ANK3: variants seen among roughly 807,000 people sequenced by gnomAD.
ANK3 encodes the protein ankyrin 3.
In ANK3, 57 loss-of-function variants were observed where a neutral mutation model predicts 370.9. The observed-to-expected ratio is 0.15, with a 90% CI of 0.12 to 0.19. The LOEUF is 0.19. ANK3 is among the 10% of genes least tolerant of loss of function. The probability of loss-of-function intolerance (pLI) is 1.00; values close to 1 mark genes in which losing one functional copy is unlikely to be tolerated. For missense variants in ANK3, 4,439 were observed against 5,302.1 expected (o/e 0.84, Z 5.06); for synonymous variants, 1,929 against 1,946.3 (o/e 0.99, Z 0.23).
chr10:60,439,558 T>G (rs1304763141), intron 2 of ANK3, among the ~76,000 whole-genome samples: 1 of 152,060 alleles, frequency 6.6e-6, no homozygotes, highest in African/African-American at 2.4e-5. Context: ...GTTTGAGAAT[T>G]TATATATGAA....
Position 60,055,855 on chromosome 10 carries a change from A to G in ANK3, c.12868T>C (p.Ser4290Pro). Residue 4290 changes from serine (S) to proline (P), a missense_variant, in exon 42 of 44, where the codon TCT becomes CCT. By Grantham distance (74) the Ser-to-Pro change is moderately conservative. Around this residue, in one of 13 missense-constraint regions of ANK3, gnomAD observed 242 missense variants for 228.0 expected, o/e 1.06. Coordinates refer to ENST00000280772, the MANE Select transcript of ANK3 (RefSeq NM_020987.5). ...GATGCTGGTTCTTCAACATGACCAG[A>G]TCCATGTATTTTTGGTTTCAGAGTT... ...KETLKPKIHG[S>P]GHVEEPASPL... 1 of 1,614,162 alleles carries G rather than the reference A, an allele frequency of 6.2e-7. No homozygotes were observed. Among genetic ancestry groups the G allele is most frequent in the Non-Finnish European group, 8.5e-7 (1 of 1,180,020 alleles).
At chr10:60,116,169 G>A (rs1336170249) in intron 25 of ANK3, among the ~76,000 whole-genome samples, 1 of 152,124 alleles carries the variant, frequency 6.6e-6, no homozygotes, top group Non-Finnish European at 1.5e-5. Context: ...TAGAAGGCTA[G>A]AGGCACCATA....
At chr10:60,154,770 G>A (rs923314247) in intron 23 of ANK3, among the ~76,000 whole-genome samples, 1 of 152,182 alleles carries the variant, frequency 6.6e-6, no homozygotes, top group Non-Finnish European at 1.5e-5. Flanking sequence ...ACTCCAGCCT[G>A]GGCAACAGAG....
At chr10:60,284,263 T>C (rs1313642725) in intron 1 of ANK3, among the ~76,000 whole-genome samples, 2 of 152,182 alleles carry the variant, frequency 1.3e-5, no homozygotes, top group East Asian at 3.8e-4. Flanking sequence ...GTGATTCTAC[T>C]GATACCTTGA....
chr10:60,614,942 G>A (rs1259914188), intron 2 of ANK3, among the ~76,000 whole-genome samples: 1 of 152,090 alleles, frequency 6.6e-6, no homozygotes, highest in Non-Finnish European at 1.5e-5. Flanking sequence ...ACAACTAATA[G>A]CACCAAGGAA....
In ANK3 at chr10:60,691,464, C is replaced by A. The variant is rs61200222; in HGVS notation, c.57+41799G>T. Among the ~76,000 whole-genome samples, 72 of 152,196 alleles carry A rather than the reference C, an allele frequency of 4.7e-4. 1 individual carries two copies. Among genetic ancestry groups the A allele is most frequent in the Admixed American group, 7.8e-4 (12 of 15,292 alleles). ...TATGAGGATTAAATTAAAGAACCAACGTAAAGCATTTAGAATCGTACCAGG... is the reference window on the plus strand; with the variant it reads ...TATGAGGATTAAATTAAAGAACCAAAGTAAAGCATTTAGAATCGTACCAGG... On this transcript the variant is annotated intron_variant, in intron 1 of 43. Coordinates refer to the ANK3 transcript ENST00000373827.
chr10:60,247,646 A>C (rs11597414), intron 7 of ANK3, among the ~76,000 whole-genome samples: 15,296 of 151,886 alleles, frequency 0.1, 1,009 homozygotes, highest in Non-Finnish European at 0.15. Flanking sequence ...GGCTTATTTC[A>C]CTCAGCATTT....
At chr10:60,616,969 T>C (rs1012174163) in intron 1 of ANK3, among the ~76,000 whole-genome samples, 1 of 152,184 alleles carries the variant, frequency 6.6e-6, no homozygotes, top group Non-Finnish European at 1.5e-5. Context: ...TCTATTGCAG[T>C]TCTTCCCCTT....
At chr10:60,113,377 G>GA (rs1590180744) in intron 26 of ANK3, among the ~76,000 whole-genome samples, 5 of 152,100 alleles carry the variant, frequency 3.3e-5, no homozygotes, top group East Asian at 1.9e-4. Context: ...TATCATATGA[G>GA]AAAAAAATGA....
intron 2 of ANK3, among the ~76,000 whole-genome samples, chr10:60,573,793 C>T (rs751916276): frequency 1.3e-5 from 2 of 152,104 alleles, no homozygotes; most frequent in Non-Finnish European, 2.9e-5. Context: ...GAGCAGATAA[C>T]TGACAGAAGT....
intron 2 of ANK3, among the ~76,000 whole-genome samples, chr10:60,490,488 G>A (rs1179510174): frequency 6.6e-6 from 1 of 152,080 alleles, no homozygotes; most frequent in African/African-American, 2.4e-5. Flanking sequence ...CAGGAAAGAA[G>A]ACTTGGGTAG....
chr10:60,124,171 T>C (rs2093638204), intron 25 of ANK3, among the ~76,000 whole-genome samples: 1 of 152,190 alleles, frequency 6.6e-6, no homozygotes, highest in Non-Finnish European at 1.5e-5. Context: ...TTTATTTTAT[T>C]TTTTGAGACA....
At chr10:60,213,073 G>T (rs992597158) in intron 9 of ANK3, among the ~76,000 whole-genome samples, 4 of 152,100 alleles carry the variant, frequency 2.6e-5, no homozygotes, top group African/African-American at 4.8e-5. Flanking sequence ...GCTGAAGATA[G>T]CCGGCACCCA....
intron 1 of ANK3, among the ~76,000 whole-genome samples, chr10:60,710,064 T>C (rs890556429): frequency 6.6e-6 from 1 of 152,166 alleles, no homozygotes; most frequent in East Asian, 1.9e-4. Context: ...ACTTCCAGCA[T>C]CACTAGTGGC....
chr10:60,160,652 C>T (rs1229169261), intron 23 of ANK3, among the ~76,000 whole-genome samples: 1 of 151,924 alleles, frequency 6.6e-6, no homozygotes, highest in Non-Finnish European at 1.5e-5. Context: ...AAAAAATCTT[C>T]GAATACTAGC....
At chr10:60,137,915 G>T (rs2094424031) in intron 24 of ANK3, among the ~76,000 whole-genome samples, 1 of 152,032 alleles carries the variant, frequency 6.6e-6, no homozygotes, top group Non-Finnish European at 1.5e-5. Context: ...TGCTATCTTT[G>T]ATCGCCTAAA....
At chr10:60,589,348 C>T (rs1420413918) in intron 2 of ANK3, among the ~76,000 whole-genome samples, 1 of 152,110 alleles carries the variant, frequency 6.6e-6, no homozygotes, top group African/African-American at 2.4e-5. Flanking sequence ...GCAAAATAAA[C>T]AATATCAATC....
At chr10:60,724,226 A>G (rs1012533625) in intron 1 of ANK3, among the ~76,000 whole-genome samples, 17 of 149,996 alleles carry the variant, frequency 1.1e-4, no homozygotes, top group Admixed American at 4.7e-4. Context: ...AAAAAAAAAA[A>G]AAAAAAGAAA....
chr10:60,579,598 C>T (rs1459606805), intron 2 of ANK3, among the ~76,000 whole-genome samples: 2 of 152,008 alleles, frequency 1.3e-5, no homozygotes, highest in African/African-American at 2.4e-5. Context: ...ATATTTTCAT[C>T]ATGTCATTAT....
Sources: allele counts gnomAD v4.1 joint callset (sites outside exome capture counted in the v4.1 genomes callset), GRCh38; gene constraint gnomAD v4.1.1; regional missense constraint gnomAD v4.1.1; transcripts MANE v1.5; gene names NCBI Gene and HGNC (gene_info 2026-07-23, HGNC 2026-07-21).